Variants in DRD1 observed in about 807,000 individuals in gnomAD.
DRD1 encodes D(1A) dopamine receptor.
Under a neutral mutation model 23.8 loss-of-function variants are expected in DRD1, and 2 were observed. The observed-to-expected ratio is 0.08, with a 90% CI of 0.03 to 0.26. DRD1 has a LOEUF of 0.26. DRD1 is among the 10% of genes least tolerant of loss of function. The pLI, the probability that DRD1 is intolerant of heterozygous loss-of-function variation, is 1.00. For synonymous variants in DRD1, 218 were observed against 225.7 expected, an observed-to-expected ratio of 0.97 and a Z score of 0.30; for missense variants, 376 against 559.0, an observed-to-expected ratio of 0.67 and a Z score of 3.30.
At position 175,444,069 on chromosome 5, in the gene DRD1, GGCCTTCAGCCCTACAGA is replaced by G. The variant is rs1758571886; in HGVS notation, c.-871_-855del. The G allele has an allele frequency of 6.6e-6, 1 of 152,486 alleles. No homozygotes were observed. Among genetic ancestry groups the G allele is most frequent in the Non-Finnish European group, 1.5e-5 (1 of 68,286 alleles). The allele number at this position is 152,486 out of a possible 1,614,324, so 9.4% of individuals were successfully genotyped here. On this transcript the variant is annotated 5_prime_UTR_variant, in exon 1 of 2. Transcript: ENST00000393752. ...CCCAGAGCCTTGGCGAACCTCGGGC[GGCCTTCAGCCCTACAGA>G]GCAGGGCCCCGCGCCTCCCCGCAGG...
Position 175,440,039 on chromosome 5 carries a change from G to C in DRD1, c.*1720C>G, listed in dbSNP as rs543636540. The C allele has an allele frequency of 1.3e-5, 2 of 152,238 alleles. No homozygotes were observed. The highest frequency in any genetic ancestry group is 3.9e-4 in the East Asian group (2 of 5,190). The allele number at this position is 152,238 out of a possible 1,614,324, so 9.4% of individuals were successfully genotyped here. ...AACACAGCTCATTCAGGGTTGATTT[G>C]AGTTCACAAAATATTTTTATTATGT... On this transcript the variant is annotated 3_prime_UTR_variant, in exon 2 of 2. Transcript: ENST00000393752.
rs1561636053 is a variant in DRD1, at chr5:175,440,343, G to C, written c.*1416C>G. ...ATTCCAAAGCACAGAGAAAGGACTA[G>C]CATTTGTCAAAAGAGATGCTGATGG... On this transcript the variant is annotated 3_prime_UTR_variant, in exon 2 of 2. Coordinates refer to ENST00000393752, the MANE Select transcript of DRD1 (RefSeq NM_000794.5). 6.6e-6 allele frequency: 1 copy of C among 152,200 alleles called. No individual in the cohort carries two copies. The highest frequency in any genetic ancestry group is 1.9e-4 in the East Asian group (1 of 5,200). The allele number at this position is 152,200 out of a possible 1,614,324, so 9.4% of individuals were successfully genotyped here. A position where few individuals can be genotyped will look rare whatever the true frequency, so the allele number is the denominator to read the frequency against.
chr5:175,441,850 G>A lies in DRD1; in HGVS notation c.1250C>T (p.Ser417Phe). ...GTCCAATATGACTGATAGGGCTGGG[G>A]ACAGCTTCTCCAAGGGTCTGGCGAT... ...AGIARPLEKL[S>F]PALSVILDYD... Residue 417 changes from serine (S) to phenylalanine (F), a missense_variant, in exon 2 of 2, where the codon TCC (serine) becomes TTC (phenylalanine). By Grantham distance (155) the Ser-to-Phe change is radical. This residue lies in a region of DRD1 where 117 missense variants were observed against 126.9 expected (regional missense o/e 0.92). Coordinates refer to ENST00000393752, the MANE Select transcript of DRD1 (RefSeq NM_000794.5). The A allele has an allele frequency of 6.2e-7, 1 of 1,614,048 alleles. No individual in the cohort carries two copies. Among genetic ancestry groups the A allele is most frequent in the Non-Finnish European group, 8.5e-7 (1 of 1,179,946 alleles).
Position 175,441,697 on chromosome 5 carries a change from G to A in DRD1, c.*62C>T, listed in dbSNP as rs686. The A allele has an allele frequency of 0.62, 925,670 of 1,500,580 alleles. 289,239 individuals are homozygous for A. The highest frequency in any genetic ancestry group is 0.87 in the East Asian group (38,227 of 43,874). 93.0% of individuals were successfully genotyped at this position (1,500,580 alleles called of 1,614,324 possible). ...CCGTACCTTAGTTTCTTAATAGCAA[G>A]CCCCAGAGCAATCTCCTCTAGCTTT... is the stretch of plus-strand genomic sequence containing the variant. On this transcript the variant is annotated 3_prime_UTR_variant, in exon 2 of 2. Coordinates refer to ENST00000393752, the MANE Select transcript of DRD1 (RefSeq NM_000794.5).
chr5:175,442,108 T>C lies in DRD1; in HGVS notation c.992A>G (p.Tyr331Cys). Reference sequence around the variant, plus strand: ...CTTCCGAAAATCAGCATTAAAGGCATAAATGATGGGGTTCAAGGATGAATT... The same window carrying C: ...CTTCCGAAAATCAGCATTAAAGGCACAAATGATGGGGTTCAAGGATGAATT... Reference protein sequence around the residue: ...WANSSLNPIIYAFNADFRKAF... With the variant: ...WANSSLNPIICAFNADFRKAF... The change falls in exon 2 of 2, where the codon TAT becomes TGT. Residue 331 changes from tyrosine to cysteine, a missense_variant. Tyr to Cys is a radical substitution (Grantham distance 194). Transcript: ENST00000393752. The surrounding 1 kb of genome is among the most constrained non-coding windows in gnomAD (Gnocchi z 7.3). 6.2e-7 allele frequency: 1 copy of C among 1,614,138 alleles called. No individual in the cohort carries two copies. The highest frequency in any genetic ancestry group is 8.5e-7 in the Non-Finnish European group (1 of 1,180,032).
chr5:175,442,053 T>C lies in DRD1; in HGVS notation c.1047A>G (p.Arg349=). ...TGGCATTATTCGTCGCAGGGCAAAG[T>C]CTGTAGCATCCTAAGAGGGTTGAAA... ...KAFSTLLGCY[R]LCPATNNAIE... is the part of the protein sequence containing the mutation. The change falls in exon 2 of 2, where the codon AGA becomes AGG. Residue 349 remains arginine (R), a synonymous_variant. Coordinates refer to ENST00000393752, the MANE Select transcript of DRD1 (RefSeq NM_000794.5). The surrounding 1 kb of genome is among the most constrained non-coding windows in gnomAD (Gnocchi z 7.3). The C allele has an allele frequency of 6.2e-7, 1 of 1,614,020 alleles. No homozygotes were observed. Among genetic ancestry groups the C allele is most frequent in the Non-Finnish European group, 8.5e-7 (1 of 1,180,034 alleles).
Position 175,442,313 on chromosome 5 carries a change from A to C in DRD1, c.787T>G (p.Ser263Ala). 1 of 1,614,138 alleles carries C rather than the reference A, an allele frequency of 6.2e-7. No homozygotes were observed. Among genetic ancestry groups the C allele is most frequent in the Non-Finnish European group, 8.5e-7 (1 of 1,180,038 alleles). The change falls in exon 2 of 2, where the codon TCC (serine) becomes GCC (alanine). Residue 263 changes from serine to alanine, a missense_variant. Ser to Ala is a moderately conservative substitution (Grantham distance 99). This residue lies in a region of DRD1 where 47 missense variants were observed against 106.7 expected (regional missense o/e 0.44). Coordinates refer to ENST00000393752, the MANE Select transcript of DRD1 (RefSeq NM_000794.5). This position sits in a 1 kb window ranked among gnomAD's most constrained non-coding sequence, Gnocchi z 7.3. ...AGGACTTTAGTTTCTCTTTTGAAGG[A>C]CATCTTAAAAGAACTTTCCGGTTGA... ...CSQPESSFKMSFKRETKVLKT... is the reference protein window; with the variant it reads ...CSQPESSFKMAFKRETKVLKT...
chr5:175,441,733 A>G lies in DRD1; in HGVS notation c.*26T>C, dbSNP rs1300270824. On this transcript the variant is annotated 3_prime_UTR_variant, in exon 2 of 2. Coordinates refer to ENST00000393752, the MANE Select transcript of DRD1 (RefSeq NM_000794.5). ...ATCTCCTCTAGCTTTTGGGATGAGC[A>G]TGTGTGGCAGGATTCATCTGCGAGT... 3 of 1,537,908 alleles carry G rather than the reference A, an allele frequency of 2.0e-6. No individual in the cohort carries two copies. The highest frequency in any genetic ancestry group is 2.5e-5 in the South Asian group (2 of 78,462).
chr5:175,441,927 GATCAGGTAAACC>G lies in DRD1; in HGVS notation c.1161_1172del (p.Val388_Ile391del). 2 of 1,614,146 alleles carry G rather than the reference GATCAGGTAAACC, an allele frequency of 1.2e-6. No homozygotes were observed. Among genetic ancestry groups the G allele is most frequent in the Non-Finnish European group, 1.7e-6 (2 of 1,180,014 alleles). ...CCTCAGAGGAGCCCACAGCATGTGG[GATCAGGTAAACC>G]AGATTGCACTCCTTGGAGATGGAGC... is the stretch of plus-strand genomic sequence containing the variant. On this transcript the variant is annotated inframe_deletion, in exon 2 of 2. Transcript: ENST00000393752.
In DRD1 at chr5:175,441,777, G is replaced by A. The variant is rs774013750; in HGVS notation, c.1323C>T (p.Asn441=). The change falls in exon 2 of 2, where the codon AAC becomes AAT. Residue 441 remains asparagine (N), a synonymous_variant. Coordinates refer to ENST00000393752, the MANE Select transcript of DRD1 (RefSeq NM_000794.5). ...TGCGAGTTCAGGTTGGGTGCTGACC[G>A]TTTTGTGTGATGGGTTGGATCTTCT... The part of the protein sequence containing the change: ...SLEKIQPITQ[N]GQHPT The A allele has an allele frequency of 2.1e-5, 33 of 1,585,298 alleles. No homozygotes were observed. The highest frequency in any genetic ancestry group is 1.7e-4 in the Middle Eastern group (1 of 5,938).
chr5:175,442,097 C>T lies in DRD1; in HGVS notation c.1003G>A (p.Ala335Thr). The T allele has an allele frequency of 1.2e-6, 2 of 1,614,128 alleles. No homozygotes were observed. Among genetic ancestry groups the T allele is most frequent in the Non-Finnish European group, 1.7e-6 (2 of 1,180,040 alleles). ...GTTGAAAATGCCTTCCGAAAATCAGCATTAAAGGCATAAATGATGGGGTTC... is the reference window on the plus strand; with the variant it reads ...GTTGAAAATGCCTTCCGAAAATCAGTATTAAAGGCATAAATGATGGGGTTC... ...SLNPIIYAFN[A>T]DFRKAFSTLL... The change falls in exon 2 of 2, where the codon GCT becomes ACT. Residue 335 changes from alanine to threonine, a missense_variant. Ala to Thr is a moderately conservative substitution (Grantham distance 58). Coordinates refer to ENST00000393752, the MANE Select transcript of DRD1 (RefSeq NM_000794.5). This position sits in a 1 kb window ranked among gnomAD's most constrained non-coding sequence, Gnocchi z 7.3.
rs1349574057 is a variant in DRD1, at chr5:175,443,705, T to C, written c.-490A>G. 6.5e-6 allele frequency: 1 copy of C among 153,304 alleles called. No homozygotes were observed. 9.5% of individuals were successfully genotyped at this position (153,304 alleles called of 1,614,324 possible). ...GCCCGTCCGAGCCACCTACCTTGCCTTGGGGTCGTCTCTCTCAAAGCCCCT... is the reference window on the plus strand; with the variant it reads ...GCCCGTCCGAGCCACCTACCTTGCCCTGGGGTCGTCTCTCTCAAAGCCCCT... On this transcript the variant is annotated 5_prime_UTR_variant, in exon 1 of 2. Transcript: ENST00000393752.
chr5:175,441,503 A>G lies in DRD1; in HGVS notation c.*256T>C. On this transcript the variant is annotated 3_prime_UTR_variant, in exon 2 of 2. Coordinates refer to ENST00000393752, the MANE Select transcript of DRD1 (RefSeq NM_000794.5). Reference sequence around the variant, plus strand: ...AATCCTAAGATAAGAATAAATTTCTAAAAACAATTCTGAAGCCAAAGACAT... The same window carrying G: ...AATCCTAAGATAAGAATAAATTTCTGAAAACAATTCTGAAGCCAAAGACAT... 2.7e-6 allele frequency: 1 copy of G among 376,752 alleles called. No homozygotes were observed. The allele number at this position is 376,752 out of a possible 1,614,324, so 23.3% of individuals were successfully genotyped here. A position where few individuals can be genotyped will look rare whatever the true frequency, so the allele number is the denominator to read the frequency against.
chr5:175,443,194 A>G lies in DRD1; in HGVS notation c.-95T>C. 6 of 1,506,690 alleles carry G rather than the reference A, an allele frequency of 4.0e-6. No individual in the cohort carries two copies. Among genetic ancestry groups the G allele is most frequent in the Non-Finnish European group, 5.4e-6 (6 of 1,119,600 alleles). 93.3% of individuals were successfully genotyped at this position (1,506,690 alleles called of 1,614,324 possible). ...CAGATTTCCAGGAGTCCTCCCCACC[A>G]GGCAGCACTTTGCACAGCCAGATTG... On this transcript the variant is annotated 5_prime_UTR_variant, in exon 2 of 2. Transcript: ENST00000393752.
chr5:175,443,247 T>G lies in DRD1; in HGVS notation c.-148A>C. 9.5e-7 allele frequency: 1 copy of G among 1,048,862 alleles called. No individual in the cohort carries two copies. The highest frequency in any genetic ancestry group is 1.4e-6 in the Non-Finnish European group (1 of 727,384). The allele number at this position is 1,048,862 out of a possible 1,614,324, so 65.0% of individuals were successfully genotyped here. On this transcript the variant is annotated 5_prime_UTR_variant, in exon 2 of 2. It removes an upstream start codon present in the reference 5' UTR. Transcript: ENST00000393752. ...TCCCTGGCAGAGGGCCTCACCAACA[T>G]TCCATGAGAGGACCGCTTGAGTGGC...
rs1022706532 is a variant in DRD1 at position 175,442,913 on chromosome 5, C to G, written c.187G>C (p.Val63Leu). Residue 63 changes from valine (V) to leucine (L), a missense_variant, in exon 2 of 2, where the codon GTC becomes CTC. Around this residue, in one of 5 missense-constraint regions of DRD1, gnomAD observed 121 missense variants for 239.4 expected, o/e 0.51. Transcript: ENST00000393752. The surrounding 1 kb of genome is among the most constrained non-coding windows in gnomAD (Gnocchi z 7.3). ...HLRSKVTNFF[V>L]ISLAVSDLLV... ...AGATCTGACACAGCCAAGGAGATGA[C>G]AAAGAAGTTGGTCACCTTGGACCGC... The G allele has an allele frequency of 6.2e-7, 1 of 1,613,970 alleles. No homozygotes were observed. Among genetic ancestry groups the G allele is most frequent in the Non-Finnish European group, 8.5e-7 (1 of 1,180,004 alleles).
chr5:175,441,998 C>G lies in DRD1; in HGVS notation c.1102G>C (p.Ala368Pro), dbSNP rs1295894626. The G allele has an allele frequency of 2.2e-5, 36 of 1,614,114 alleles. No homozygotes were observed. Among genetic ancestry groups the G allele is most frequent in the Non-Finnish European group, 3.1e-5 (36 of 1,180,026 alleles). ...TCATGATGGCTGGAAAACATCGCGG[C>G]CCCATTGTTATTGATACTCACCGTC... is the stretch of plus-strand genomic sequence containing the variant. ...IETVSINNNG[A>P]AMFSSHHEPR... is the part of the protein sequence containing the mutation. Residue 368 changes from alanine (A) to proline (P), a missense_variant, in exon 2 of 2, where the codon GCC (alanine) becomes CCC (proline). Physicochemically the swap from Ala to Pro is conservative, Grantham distance 27 (BLOSUM62 -1). This residue lies in a region of DRD1 where 117 missense variants were observed against 126.9 expected (regional missense o/e 0.92). Coordinates refer to ENST00000393752, the MANE Select transcript of DRD1 (RefSeq NM_000794.5).
At position 175,442,071 on chromosome 5, in the gene DRD1, G is replaced by A. The variant is rs774488532; in HGVS notation, c.1029C>T (p.Thr343=). The change falls in exon 2 of 2, where the codon ACC becomes ACT. Residue 343 remains threonine, a synonymous_variant. Coordinates refer to ENST00000393752, the MANE Select transcript of DRD1 (RefSeq NM_000794.5). This position sits in a 1 kb window ranked among gnomAD's most constrained non-coding sequence, Gnocchi z 7.3. ...FNADFRKAFS[T]LLGCYRLCPA... ...GGCAAAGTCTGTAGCATCCTAAGAG[G>A]GTTGAAAATGCCTTCCGAAAATCAG... is the stretch of plus-strand genomic sequence containing the variant. 9 of 1,614,110 alleles carry A rather than the reference G, an allele frequency of 5.6e-6. No individual in the cohort carries two copies. The highest frequency in any genetic ancestry group is 6.8e-6 in the Non-Finnish European group (8 of 1,180,042).
rs41275335 is a variant in DRD1 at position 175,441,615 on chromosome 5, G to A, written c.*144C>T. ...AATACACTGGAATGTATTTGGAAACGGAGTTAATTGTGTGTTGGAAAGCAG... is the reference window on the plus strand; with the variant it reads ...AATACACTGGAATGTATTTGGAAACAGAGTTAATTGTGTGTTGGAAAGCAG... On this transcript the variant is annotated 3_prime_UTR_variant, in exon 2 of 2. Coordinates refer to ENST00000393752, the MANE Select transcript of DRD1 (RefSeq NM_000794.5). The A allele has an allele frequency of 4.9e-3, 4,857 of 995,578 alleles. 22 individuals are homozygous for A. The highest frequency in any genetic ancestry group is 0.032 in the Middle Eastern group (100 of 3,166). The allele number at this position is 995,578 out of a possible 1,614,324, so 61.7% of individuals were successfully genotyped here.
Sources: gnomAD v4.1 joint callset for allele counts on GRCh38, gnomAD v4.1.1 for gene constraint, gnomAD v4.1.1 regional missense constraint, Gnocchi (gnomAD v3.1) non-coding constraint, MANE v1.5 for transcripts, NCBI Gene and HGNC (gene_info 2026-07-23, HGNC 2026-07-21) for gene names.